XKR4: variants seen among roughly 807,000 people sequenced by gnomAD.
The protein encoded by XKR4 is XK-related protein 4.
In XKR4, 12 loss-of-function variants were observed where a neutral mutation model predicts 53.9. The ratio of observed to expected loss-of-function variants is 0.22; its 90% CI spans 0.14 to 0.36. The LOEUF is 0.36. XKR4 is among the 10% of genes least tolerant of loss of function. The pLI, the probability that XKR4 is intolerant of heterozygous loss-of-function variation, is 1.00. For missense variants in XKR4, 799 were observed against 859.5 expected, an observed-to-expected ratio of 0.93 and a Z score of 0.88; for synonymous variants, 354 against 362.4, an observed-to-expected ratio of 0.98 and a Z score of 0.26.
At chr8:55,503,099 G>A (rs1806469605) in intron 2 of XKR4, among the ~76,000 whole-genome samples, 1 of 151,984 alleles carries the variant, frequency 6.6e-6, no homozygotes, top group African/African-American at 2.4e-5. Flanking sequence ...TTTGATTACT[G>A]TAGCTTTGTA....
At chr8:55,397,337 G>C (rs966690910) in intron 2 of XKR4, among the ~76,000 whole-genome samples, 6 of 152,118 alleles carry the variant, frequency 3.9e-5, no homozygotes, top group African/African-American at 1.4e-4. Flanking sequence ...AAAGTTTTCA[G>C]GAAACAATGC....
intron 2 of XKR4, chr8:55,451,655 G>T: frequency 6.4e-7 from 1 of 1,555,946 alleles, no homozygotes; most frequent in South Asian, 1.2e-5. Context: ...GCGTTGTCCT[G>T]GACACTCTGG....
chr8:55,124,467 CATGATTGTTT>C (rs1816434454), intron 1 of XKR4, among the ~76,000 whole-genome samples: 1 of 152,206 alleles, frequency 6.6e-6, no homozygotes, highest in Non-Finnish European at 1.5e-5. Flanking sequence ...ATTTAAAGCT[CATGATTGTTT>C]ATTATTATTA....
chr8:55,408,479 G>A (rs1404536797), intron 2 of XKR4, among the ~76,000 whole-genome samples: 1 of 152,232 alleles, frequency 6.6e-6, no homozygotes, highest in Non-Finnish European at 1.5e-5. Context: ...GCAGCAGGAT[G>A]AGGAAGACTA....
chr8:55,269,490 T>C (rs2129372281), intron 1 of XKR4, among the ~76,000 whole-genome samples: 2 of 152,328 alleles, frequency 1.3e-5, no homozygotes, highest in Middle Eastern at 3.4e-3. Flanking sequence ...AAAATATACA[T>C]TTATATGCAT....
chr8:55,414,541 AT>A (rs1325066789), intron 2 of XKR4, among the ~76,000 whole-genome samples: 1 of 149,558 alleles, frequency 6.7e-6, no homozygotes, highest in Non-Finnish European at 1.5e-5. Flanking sequence ...TAGATTATAT[AT>A]AGAGATCTCT....
intron 1 of XKR4, among the ~76,000 whole-genome samples, chr8:55,253,563 T>C (rs1818390363): frequency 6.6e-6 from 1 of 152,180 alleles, no homozygotes; most frequent in South Asian, 2.1e-4. Flanking sequence ...GATTGTGTCT[T>C]GTTCCAAGAT....
At chr8:55,451,513 GC>G in intron 2 of XKR4, 2 of 1,043,302 alleles carry the variant, frequency 1.9e-6, no homozygotes, top group Non-Finnish European at 2.9e-6. Context: ...TGCGTTCTGG[GC>G]CTTAAAGAGT....
chr8:55,216,008 A>C (rs1383196641), intron 1 of XKR4, among the ~76,000 whole-genome samples: 1 of 152,266 alleles, frequency 6.6e-6, no homozygotes, highest in Non-Finnish European at 1.5e-5. Context: ...CTTTATTAGA[A>C]TCTAAACACA....
chr8:55,278,513 T>A (rs976606422), intron 1 of XKR4, among the ~76,000 whole-genome samples: 7 of 152,182 alleles, frequency 4.6e-5, no homozygotes, highest in African/African-American at 1.7e-4. Flanking sequence ...TTGTAATTTT[T>A]AAATTGTTTT....
intron 2 of XKR4, among the ~76,000 whole-genome samples, chr8:55,382,013 T>TCTAAAG (rs1804242568): frequency 6.6e-6 from 1 of 152,260 alleles, no homozygotes; most frequent in Non-Finnish European, 1.5e-5. Flanking sequence ...GTGTTTCTAT[T>TCTAAAG]CTAAAGCTTC....
chr8:55,224,554 A>C (rs1462557345), intron 1 of XKR4, among the ~76,000 whole-genome samples: 1 of 152,186 alleles, frequency 6.6e-6, no homozygotes. Flanking sequence ...TCCTTTAAAA[A>C]TAGAACTTCC....
chr8:55,248,002 C>T (rs1585965564), intron 1 of XKR4, among the ~76,000 whole-genome samples: 1 of 151,324 alleles, frequency 6.6e-6, no homozygotes, highest in South Asian at 2.1e-4. Context: ...ACTACAGGTG[C>T]GTGCCACTAC....
At chr8:55,142,117 C>T in intron 1 of XKR4, 1 of 456,094 alleles carries the variant, frequency 2.2e-6, no homozygotes, top group Non-Finnish European at 4.4e-6. Flanking sequence ...ATTCTCTCCT[C>T]CCTACCTCCA....
At chr8:55,316,475 G>T (rs1482042281) in intron 1 of XKR4, among the ~76,000 whole-genome samples, 4 of 152,168 alleles carry the variant, frequency 2.6e-5, no homozygotes, top group Non-Finnish European at 5.9e-5. Flanking sequence ...TTATAGCATA[G>T]ATCTATTTAG....
chr8:55,530,483 T>C lies in XKR4; in HGVS notation c.*6256T>C, dbSNP rs1199325155. The C allele has an allele frequency of 1.3e-5, 2 of 152,244 alleles. No homozygotes were observed. Among genetic ancestry groups the C allele is most frequent in the African/African-American group, 4.8e-5 (2 of 41,470 alleles). 9.4% of individuals were successfully genotyped at this position (152,244 alleles called of 1,614,324 possible). On this transcript the variant is annotated 3_prime_UTR_variant, in exon 3 of 3. Coordinates refer to ENST00000327381, the MANE Select transcript of XKR4 (RefSeq NM_052898.2). ...TTCCCTTCTCACTTTAGATATAGCA[T>C]GTCTGAAGGTCTGCAAGATGACAGA...
intron 2 of XKR4, chr8:55,453,879 G>A (rs1020819621): frequency 1.8e-6 from 1 of 569,738 alleles, no homozygotes; most frequent in Non-Finnish European, 3.4e-6. Flanking sequence ...GGGCAGTACG[G>A]GACCCCACAC....
chr8:55,242,221 G>A (rs1027301319), intron 1 of XKR4, among the ~76,000 whole-genome samples: 2 of 152,042 alleles, frequency 1.3e-5, no homozygotes, highest in African/African-American at 4.8e-5. Flanking sequence ...GTCCTGATTA[G>A]CATGTGTTTC....
chr8:55,433,530 A>G (rs769489298), intron 2 of XKR4, among the ~76,000 whole-genome samples: 2 of 151,990 alleles, frequency 1.3e-5, no homozygotes, highest in Non-Finnish European at 2.9e-5. Context: ...ATTTGTACAT[A>G]AAGAGAAGTT....
Sources: allele counts gnomAD v4.1 joint callset (sites outside exome capture counted in the v4.1 genomes callset), GRCh38; gene constraint gnomAD v4.1.1; transcripts MANE v1.5; gene names NCBI Gene and HGNC (gene_info 2026-07-23, HGNC 2026-07-21).